The following RGPD3 variants were observed in gnomAD, a reference collection of about 807,000 sequenced individuals.
RGPD3 encodes RANBP2 like and GRIP domain containing 3, also known as ranBP2-like and GRIP domain-containing protein 3.
Under a neutral mutation model 154.5 loss-of-function variants are expected in RGPD3, and 62 were observed. That is an observed-to-expected ratio of 0.40 (90% CI 0.33 to 0.50). The LOEUF is 0.50. Ranked by LOEUF, RGPD3 falls within the 20% of genes least tolerant of loss-of-function variation. The pLI, the probability that RGPD3 is intolerant of heterozygous loss-of-function variation, is 0.59. For missense variants in RGPD3, 919 were observed against 1,716.8 expected (o/e 0.54, Z 8.21); for synonymous variants, 308 against 607.0 (o/e 0.51, Z 7.24).
chr2:106,450,015 T>A (rs1162323719), intron 6 of RGPD3, among the ~76,000 whole-genome samples: 1 of 136,862 alleles, frequency 7.3e-6, no homozygotes, highest in African/African-American at 2.7e-5. Context: ...AGACTCCGTC[T>A]CAAAAAAAAA....
intron 7 of RGPD3, among the ~76,000 whole-genome samples, 184 bp from the exon 8 acceptor site, chr2:106,441,564 G>A (rs1398491618): frequency 6.6e-6 from 1 of 151,614 alleles, no homozygotes; most frequent in Non-Finnish European, 1.5e-5. Flanking sequence ...TGAAAGATAG[G>A]CCAGGTACAG....
At chr2:106,449,942 T>C (rs1227084724) in intron 6 of RGPD3, among the ~76,000 whole-genome samples, 2 of 147,392 alleles carry the variant, frequency 1.4e-5, no homozygotes, top group South Asian at 2.2e-4. Context: ...GCGTGAACCC[T>C]GGAGACACAG....
At chr2:106,447,993 C>T (rs1677984211) in intron 6 of RGPD3, among the ~76,000 whole-genome samples, 1 of 151,212 alleles carries the variant, frequency 6.6e-6, no homozygotes, top group Non-Finnish European at 1.5e-5. Flanking sequence ...GTTGTAATTT[C>T]TCAAATTAGA....
intron 7 of RGPD3, among the ~76,000 whole-genome samples, chr2:106,443,758 C>A (rs1289427924): frequency 8.3e-6 from 1 of 120,240 alleles, no homozygotes; most frequent in Non-Finnish European, 1.7e-5. Context: ...TGCAGTGGCA[C>A]GATCTCGGCT....
At position 106,417,609 on chromosome 2, in the gene RGPD3, C is replaced by T. The variant is rs373871488; in HGVS notation, c.4925-1620G>A. Reference sequence around the variant, plus strand: ...GGGTTACAGTGTGCATGTCTAGAAGCGGGAGGTCTGTGTTTCTCCTTTCTC... The same window carrying T: ...GGGTTACAGTGTGCATGTCTAGAAGTGGGAGGTCTGTGTTTCTCCTTTCTC... On this transcript the variant is annotated intron_variant, in intron 20 of 22. Coordinates refer to ENST00000409886, the MANE Select transcript of RGPD3 (RefSeq NM_001144013.2). 2.8e-3 allele frequency among the ~76,000 whole-genome samples: 391 copies of T among 138,526 alleles called. 1 individual carries two copies. Among genetic ancestry groups the T allele is most frequent in the Middle Eastern group, 0.012 (3 of 256 alleles). The allele number at this position is 138,526 out of a possible 152,430, so 90.9% of individuals were successfully genotyped here.
chr2:106,462,068 G>A (rs1275593741), intron 1 of RGPD3, among the ~76,000 whole-genome samples: 3 of 152,030 alleles, frequency 2.0e-5, no homozygotes, highest in Admixed American at 6.6e-5. Flanking sequence ...ATTTTCAGTA[G>A]AGATGGGGTT....
chr2:106,454,978 C>T (rs1678202941), intron 4 of RGPD3, among the ~76,000 whole-genome samples: 1 of 151,924 alleles, frequency 6.6e-6, no homozygotes, highest in African/African-American at 2.4e-5. Flanking sequence ...ATAGCCAAAA[C>T]CTAGAAATAA....
chr2:106,410,548 T>TA (rs1676637748), intron 22 of RGPD3, among the ~76,000 whole-genome samples: 1 of 152,234 alleles, frequency 6.6e-6, no homozygotes, highest in South Asian at 2.1e-4. Context: ...AGAGGGCTGT[T>TA]AGACATGCTG....
At chr2:106,459,824 A>ACAT (rs1275560684) in intron 1 of RGPD3, among the ~76,000 whole-genome samples, 17 of 132,710 alleles carry the variant, frequency 1.3e-4, no homozygotes, top group South Asian at 5.4e-4. Flanking sequence ...CATCTCCCAA[A>ACAT]CATCATCATC....
chr2:106,410,407 T>C (rs1237165805), intron 22 of RGPD3, among the ~76,000 whole-genome samples: 1 of 152,036 alleles, frequency 6.6e-6, no homozygotes, highest in East Asian at 2.0e-4. Context: ...TCTATGAAAT[T>C]CTTTAAAAAT....
Position 106,403,528 on chromosome 2 carries a change from T to C in RGPD3, c.*1691A>G, listed in dbSNP as rs867689265. Among the ~76,000 whole-genome samples the C allele has an allele frequency of 6.6e-6, 1 of 152,256 alleles. No homozygotes were observed. Among genetic ancestry groups the C allele is most frequent in the East Asian group, 1.9e-4 (1 of 5,186 alleles). Reference sequence around the variant, plus strand: ...TATCATGCAAAAAAGTATTTTGTTATGACATTTGTAAGTGGAGACTATATT... The same window carrying C: ...TATCATGCAAAAAAGTATTTTGTTACGACATTTGTAAGTGGAGACTATATT... On this transcript the variant is annotated 3_prime_UTR_variant, in exon 23 of 23. Transcript: ENST00000409886.
rs371733495 is a variant in RGPD3 at position 106,410,500 on chromosome 2, G to A, written c.5266+2584C>T. On this transcript the variant is annotated intron_variant, in intron 22 of 22. Coordinates refer to ENST00000409886, the MANE Select transcript of RGPD3 (RefSeq NM_001144013.2). ...CTTAACTTATAGGAGCCACCTGGAC[G>A]TTAGCAACATCTACATTAAACATGC... 3.9e-4 allele frequency among the ~76,000 whole-genome samples: 59 copies of A among 152,248 alleles called. 1 individual carries two copies. The highest frequency in any genetic ancestry group is 1.9e-3 in the South Asian group (9 of 4,824).
At chr2:106,409,690 T>G (rs1331621234) in intron 22 of RGPD3, among the ~76,000 whole-genome samples, 7 of 151,744 alleles carry the variant, frequency 4.6e-5, no homozygotes, top group Non-Finnish European at 1.0e-4. Context: ...TGGATAGATA[T>G]CCTTCAACAG....
intron 20 of RGPD3, among the ~76,000 whole-genome samples, chr2:106,421,473 T>C (rs1676984315): frequency 6.6e-6 from 1 of 151,646 alleles, no homozygotes; most frequent in Non-Finnish European, 1.5e-5. Context: ...ATTTTTACTT[T>C]ATCATTGTAC....
chr2:106,412,613 G>T (rs886269363), intron 22 of RGPD3: 71 of 334,940 alleles, frequency 2.1e-4, no homozygotes, highest in African/African-American at 1.4e-3. Context: ...CTGGCCTATG[G>T]CACAGTTTTA....
intron 7 of RGPD3, among the ~76,000 whole-genome samples, chr2:106,442,788 A>C (rs1347743148): frequency 8.8e-6 from 1 of 113,934 alleles, no homozygotes; most frequent in Non-Finnish European, 1.8e-5. Flanking sequence ...GGGTGACTAG[A>C]GCATCGGCTT....
At chr2:106,422,054 C>A (rs1342384696) in intron 20 of RGPD3, among the ~76,000 whole-genome samples, 2 of 152,080 alleles carry the variant, frequency 1.3e-5, no homozygotes, top group African/African-American at 4.8e-5. Context: ...TTATCTCATA[C>A]TGAGAATGCT....
Position 106,424,405 on chromosome 2 carries a change from C to T in RGPD3, c.3562G>A (p.Ala1188Thr). 6.2e-7 allele frequency: 1 copy of T among 1,611,042 alleles called. No homozygotes were observed. The highest frequency in any genetic ancestry group is 8.5e-7 in the Non-Finnish European group (1 of 1,179,816). The change falls in exon 20 of 23, where the codon GCT (alanine) becomes ACT (threonine). Residue 1188 changes from alanine (A) to threonine (T), a missense_variant. Transcript: ENST00000409886. ...TPHKLVDTGRAAKLIQRAEEM... is the reference protein window; with the variant it reads ...TPHKLVDTGRTAKLIQRAEEM... ...TCAGCTCTCTGTATTAACTTGGCAGCTCTGCCAGTATCTACAAGTTTATGG... is the reference window on the plus strand; with the variant it reads ...TCAGCTCTCTGTATTAACTTGGCAGTTCTGCCAGTATCTACAAGTTTATGG...
rs1677214554 is a variant in RGPD3, at chr2:106,426,877, AG to A, written c.2606-790del. 2.0e-5 allele frequency among the ~76,000 whole-genome samples: 3 copies of A among 152,156 alleles called. No individual in the cohort carries two copies. The South Asian group carries it at 6.2e-4, about 32-fold the overall frequency. Reference sequence around the variant, plus strand: ...GGAAAGCACTGAAAAATCAAGACCTAGAAAAGGCTAGCCAGAAGCCCAAGTT... The same window carrying A: ...GGAAAGCACTGAAAAATCAAGACCTAAAAAGGCTAGCCAGAAGCCCAAGTT... On this transcript the variant is annotated intron_variant, in intron 18 of 22. Transcript: ENST00000409886.
Sources: gnomAD v4.1 joint callset for allele counts (sites outside exome capture counted in the v4.1 genomes callset) on GRCh38, gnomAD v4.1.1 for gene constraint, MANE v1.5 for transcripts, NCBI Gene and HGNC (gene_info 2026-07-23, HGNC 2026-07-21) for gene names.